ZSWIM5: variants seen among roughly 807,000 people sequenced by gnomAD.
ZSWIM5 encodes the protein zinc finger SWIM-type containing 5.
In ZSWIM5, 55 loss-of-function variants were observed where a neutral mutation model predicts 119.6. The observed-to-expected ratio is 0.46, with a 90% confidence interval of 0.37 to 0.58. ZSWIM5 has a LOEUF of 0.58. ZSWIM5 is among the 20% of genes least tolerant of loss of function. ZSWIM5 has a pLI of 0.00. For synonymous variants in ZSWIM5, 537 were observed against 606.9 expected (o/e 0.88, Z 1.69); for missense variants, 1,193 against 1,512.8 (o/e 0.79, Z 3.51).
rs866333603 is a variant in ZSWIM5, at chr1:45,125,451, G to C, written c.596-37214C>G. ...TGGAATGCAGGTAGAGCAATGCTGA[G>C]AGGGAAATTTATAGCAGGAACTGCT... is the stretch of plus-strand genomic sequence containing the variant. On this transcript the variant is annotated intron_variant, in intron 1 of 13. Transcript: ENST00000359600. Among the ~76,000 whole-genome samples, 10 of 151,820 alleles carry C rather than the reference G, an allele frequency of 6.6e-5. No homozygotes were observed. In the South Asian group the frequency reaches 1.5e-3, roughly 22 times the overall value.
At chr1:45,119,927 C>T (rs934831731) in intron 1 of ZSWIM5, among the ~76,000 whole-genome samples, 10 of 152,218 alleles carry the variant, frequency 6.6e-5, no homozygotes, top group African/African-American at 2.4e-4. Flanking sequence ...CTCTCTTTTA[C>T]TCACTTCAGT....
intron 1 of ZSWIM5, among the ~76,000 whole-genome samples, chr1:45,200,307 T>C (rs1260638186): frequency 6.6e-6 from 1 of 152,206 alleles, no homozygotes; most frequent in Non-Finnish European, 1.5e-5. Context: ...TAAATAAGTA[T>C]GATTTTCTTA....
chr1:45,058,695 T>C lies in ZSWIM5; in HGVS notation c.1166A>G (p.Gln389Arg). ...TGTGAGTCGTGGGTCAGCCACAAACTGCTCAGTTATTAGTGTCAGCATCCT... is the reference window on the plus strand; with the variant it reads ...TGTGAGTCGTGGGTCAGCCACAAACCGCTCAGTTATTAGTGTCAGCATCCT... ...GARMLTLITE[Q>R]FVADPRLTLW... The change falls in exon 4 of 14, where the codon CAG becomes CGG. Residue 389 changes from glutamine (Q) to arginine (R), a missense_variant. This residue lies in a region of ZSWIM5 where 961 missense variants were observed against 1,290.0 expected (regional missense o/e 0.74). Coordinates refer to ENST00000359600, the MANE Select transcript of ZSWIM5 (RefSeq NM_020883.2). 6.2e-7 allele frequency: 1 copy of C among 1,614,238 alleles called. No individual in the cohort carries two copies. Among genetic ancestry groups the C allele is most frequent in the Non-Finnish European group, 8.5e-7 (1 of 1,180,046 alleles).
chr1:45,124,859 C>T (rs1225057950), intron 1 of ZSWIM5, among the ~76,000 whole-genome samples: 1 of 146,054 alleles, frequency 6.8e-6, no homozygotes, highest in East Asian at 1.9e-4. Flanking sequence ...AAGTGAGGGA[C>T]ATTACATAAT....
chr1:45,036,544 G>T (rs1197617214), intron 8 of ZSWIM5, among the ~76,000 whole-genome samples: 1 of 151,778 alleles, frequency 6.6e-6, no homozygotes, highest in Non-Finnish European at 1.5e-5. Context: ...TAGTAGAGGG[G>T]CGGTTTCATC....
At chr1:45,060,398 T>C (rs1645145814) in intron 2 of ZSWIM5, 151 bp from the exon 3 acceptor site, 2 of 699,876 alleles carry the variant, frequency 2.9e-6, no homozygotes, top group East Asian at 5.6e-5. Context: ...ACAAAATAAA[T>C]AAATACATAA....
intron 5 of ZSWIM5, among the ~76,000 whole-genome samples, chr1:45,045,940 T>C (rs1249763164): frequency 1.3e-5 from 2 of 152,044 alleles, no homozygotes; most frequent in Admixed American, 1.3e-4. Context: ...TTTATTCATA[T>C]ATAGAATGGT....
chr1:45,184,143 A>G (rs1646041640), intron 1 of ZSWIM5, among the ~76,000 whole-genome samples: 1 of 152,244 alleles, frequency 6.6e-6, no homozygotes, highest in South Asian at 2.1e-4. Context: ...ACCAAAGATA[A>G]AAACCACATG....
intron 1 of ZSWIM5, among the ~76,000 whole-genome samples, chr1:45,157,586 T>C (rs1645834381): frequency 6.6e-6 from 1 of 152,224 alleles, no homozygotes; most frequent in Non-Finnish European, 1.5e-5. Context: ...GCCATTCTCC[T>C]ATCCGTGTAC....
At chr1:45,115,902 G>A (rs568315644) in intron 1 of ZSWIM5, among the ~76,000 whole-genome samples, 4 of 152,308 alleles carry the variant, frequency 2.6e-5, no homozygotes, top group Admixed American at 6.5e-5. Flanking sequence ...CAAGGCAGGC[G>A]GCTGGGAGGT....
intron 1 of ZSWIM5, among the ~76,000 whole-genome samples, chr1:45,146,431 C>CT (rs35073818): frequency 0.11 from 4,976 of 45,898 alleles, 2,028 homozygotes; most frequent in East Asian, 0.15. Flanking sequence ...TGTTTCTAGA[C>CT]TTTTTTTTTT....
At chr1:45,161,350 G>C (rs1321101557) in intron 1 of ZSWIM5, among the ~76,000 whole-genome samples, 1 of 152,100 alleles carries the variant, frequency 6.6e-6, no homozygotes, top group Non-Finnish European at 1.5e-5. Flanking sequence ...AATAGTGGTT[G>C]TACTAATTTA....
intron 1 of ZSWIM5, among the ~76,000 whole-genome samples, chr1:45,111,444 G>A (rs755149891): frequency 6.6e-6 from 1 of 152,070 alleles, no homozygotes; most frequent in Non-Finnish European, 1.5e-5. Flanking sequence ...GAGTGTATTA[G>A]TTTCCTATCG....
intron 6 of ZSWIM5, among the ~76,000 whole-genome samples, chr1:45,041,818 G>C (rs1489294829): frequency 6.6e-6 from 1 of 152,234 alleles, no homozygotes; most frequent in African/African-American, 2.4e-5. Context: ...GATTACAGGC[G>C]TGAGCCACTG....
At chr1:45,034,018 C>A (rs529948453) in intron 11 of ZSWIM5, among the ~76,000 whole-genome samples, 44 of 152,148 alleles carry the variant, frequency 2.9e-4, no homozygotes, top group South Asian at 6.2e-4. Flanking sequence ...CCACGCCCGG[C>A]TACTTTTTGT....
intron 1 of ZSWIM5, among the ~76,000 whole-genome samples, chr1:45,185,424 T>G (rs941485824): frequency 1.3e-5 from 2 of 151,796 alleles, no homozygotes; most frequent in Admixed American, 6.6e-5. Flanking sequence ...CGAAAGAGCT[T>G]CTGCACAGCA....
chr1:45,190,603 T>TC (rs1265466939), intron 1 of ZSWIM5, among the ~76,000 whole-genome samples: 1 of 152,186 alleles, frequency 6.6e-6, no homozygotes, highest in Non-Finnish European at 1.5e-5. Context: ...CTCGGATCCT[T>TC]CCGTCAGGAC....
chr1:45,117,982 T>C (rs1038192135), intron 1 of ZSWIM5, among the ~76,000 whole-genome samples: 2 of 151,940 alleles, frequency 1.3e-5, no homozygotes, highest in Admixed American at 6.6e-5. Context: ...GGTGTGAGAA[T>C]CACTTGAACC....
At position 45,168,702 on chromosome 1, in the gene ZSWIM5, T is replaced by A. The variant is rs572834208; in HGVS notation, c.595+37054A>T. 1.3e-3 allele frequency among the ~76,000 whole-genome samples: 191 copies of A among 151,408 alleles called. 2 individuals are homozygous for A. Among genetic ancestry groups the A allele is most frequent in the African/African-American group, 4.2e-3 (176 of 41,456 alleles). The stretch of plus-strand genomic sequence containing the variant: ...AAAAAAAAAGAATAAAGATTGAATT[T>A]TTTTTCCTACATGGGAGTTTTTAAT... On this transcript the variant is annotated intron_variant, in intron 1 of 13. Coordinates refer to ENST00000359600, the MANE Select transcript of ZSWIM5 (RefSeq NM_020883.2).
Sources: allele counts gnomAD v4.1 joint callset (sites outside exome capture counted in the v4.1 genomes callset), GRCh38; gene constraint gnomAD v4.1.1; regional missense constraint gnomAD v4.1.1; transcripts MANE v1.5; gene names NCBI Gene and HGNC (gene_info 2026-07-23, HGNC 2026-07-21).